ARSB: variants seen among roughly 807,000 people sequenced by gnomAD.
The protein encoded by ARSB is arylsulfatase B.
Under a neutral mutation model 50.9 loss-of-function variants are expected in ARSB, and 41 were observed. The ratio of observed to expected loss-of-function variants is 0.81; its 90% confidence interval spans 0.63 to 1.04. The LOEUF (loss-of-function observed/expected upper bound fraction) is 1.04. Among genes scored for constraint, ARSB ranks in the 50% least tolerant of loss-of-function variants. The pLI, the probability that ARSB is intolerant of heterozygous loss-of-function variation, is 0.00. For synonymous variants in ARSB, 269 were observed against 284.8 expected (o/e 0.94, Z 0.56); for missense variants, 672 against 693.3 (o/e 0.97, Z 0.35).
intron 4 of ARSB, among the ~76,000 whole-genome samples, chr5:78,931,092 C>G (rs1418280899): frequency 6.6e-6 from 1 of 152,212 alleles, no homozygotes; most frequent in African/African-American, 2.4e-5. Context: ...AAATCTCTCT[C>G]TCGTTTTCTG....
chr5:78,976,902 T>C (rs559515912), intron 1 of ARSB, among the ~76,000 whole-genome samples: 3 of 152,252 alleles, frequency 2.0e-5, no homozygotes, highest in Middle Eastern at 6.8e-3. Flanking sequence ...GGCACCCTCA[T>C]TCACTCAGCT....
chr5:78,887,342 A>G (rs931086501), intron 4 of ARSB, among the ~76,000 whole-genome samples: 1 of 152,134 alleles, frequency 6.6e-6, no homozygotes, highest in Admixed American at 6.5e-5. Flanking sequence ...TCTCATGGCG[A>G]CTAATCCATT....
At chr5:78,977,209 A>C (rs1481266401) in intron 1 of ARSB, among the ~76,000 whole-genome samples, 1 of 146,908 alleles carries the variant, frequency 6.8e-6, no homozygotes, top group African/African-American at 2.6e-5. Flanking sequence ...GCTGGAGTGC[A>C]GTGGCGCAAT....
intron 6 of ARSB, among the ~76,000 whole-genome samples, chr5:78,801,727 G>A (rs1001627487): frequency 6.6e-6 from 1 of 152,102 alleles, no homozygotes; most frequent in East Asian, 1.9e-4. Context: ...CCACTTCCAG[G>A]CAGGCCTGGG....
chr5:78,860,292 T>A (rs1746369891), intron 5 of ARSB, among the ~76,000 whole-genome samples: 1 of 152,226 alleles, frequency 6.6e-6, no homozygotes, highest in African/African-American at 2.4e-5. Flanking sequence ...ACTTGCTTTA[T>A]GAATCTGGGT....
chr5:78,917,243 G>T (rs758835519), intron 4 of ARSB, among the ~76,000 whole-genome samples: 1 of 152,196 alleles, frequency 6.6e-6, no homozygotes, highest in Non-Finnish European at 1.5e-5. Context: ...TTAAACTACA[G>T]ACTATATTCT....
chr5:78,941,124 A>T (rs995266128), intron 4 of ARSB, among the ~76,000 whole-genome samples: 1 of 149,658 alleles, frequency 6.7e-6, no homozygotes, highest in Non-Finnish European at 1.5e-5. Context: ...TGATTTTTGT[A>T]TATTGATTTT....
intron 4 of ARSB, among the ~76,000 whole-genome samples, chr5:78,937,325 T>TATATATATCATATATATGTAAG (rs1561512520): frequency 0.15 from 8,879 of 57,952 alleles, 1,319 homozygotes; most frequent in South Asian, 0.21. Flanking sequence ...ATATGTAAGA[T>TATATATATCATATATATGTAAG]ATATATATGT....
intron 4 of ARSB, among the ~76,000 whole-genome samples, chr5:78,911,572 TAAAAAAAAAAAAAAAAAAAA>T (rs71001137): frequency 0.36 from 24,375 of 67,930 alleles, 3,128 homozygotes; most frequent in Admixed American, 0.49. Flanking sequence ...AGACTCCCTC[TAAAAAAAAAAAAAAAAAAAA>T]AAAAAAAAAA....
intron 6 of ARSB, among the ~76,000 whole-genome samples, chr5:78,833,752 A>G (rs548569230): frequency 6.6e-6 from 1 of 152,272 alleles, no homozygotes; most frequent in East Asian, 1.9e-4. Flanking sequence ...ATAAATCTCT[A>G]TTTGTCTATT....
At position 78,790,194 on chromosome 5, in the gene ARSB, C is replaced by A. The variant is rs73120610; in HGVS notation, c.1214-8220G>T. 3.0e-3 allele frequency among the ~76,000 whole-genome samples: 451 copies of A among 152,242 alleles called. 2 individuals carry two copies. The highest frequency in any genetic ancestry group is 0.01 in the African/African-American group (424 of 41,534). On this transcript the variant is annotated intron_variant, in intron 6 of 7. Coordinates refer to ENST00000264914, the MANE Select transcript of ARSB (RefSeq NM_000046.5). ...CTGTATCATTGAAGTGGCATCCTAC[C>A]AGCCCTTCTCCAGGAGGCCATAGTA...
chr5:78,863,940 A>G (rs899913888), intron 5 of ARSB, among the ~76,000 whole-genome samples: 3 of 152,006 alleles, frequency 2.0e-5, no homozygotes, highest in African/African-American at 7.2e-5. Context: ...TCATAGAATA[A>G]TGGTGGCCAT....
intron 6 of ARSB, among the ~76,000 whole-genome samples, chr5:78,830,625 T>C (rs1375515334): frequency 6.6e-6 from 1 of 152,128 alleles, no homozygotes; most frequent in African/African-American, 2.4e-5. Flanking sequence ...AGATGTGCTG[T>C]GTGAAGTGGG....
At chr5:78,905,145 G>A (rs1390619104) in intron 4 of ARSB, among the ~76,000 whole-genome samples, 1 of 151,952 alleles carries the variant, frequency 6.6e-6, no homozygotes, top group Non-Finnish European at 1.5e-5. Flanking sequence ...CATTTGTTTG[G>A]CTTTAGTTTC....
chr5:78,925,298 G>GA (rs926928994), intron 4 of ARSB, among the ~76,000 whole-genome samples: 2 of 151,956 alleles, frequency 1.3e-5, no homozygotes, highest in African/African-American at 4.8e-5. Flanking sequence ...GCCACCCAAG[G>GA]AAAAAAGCAA....
intron 4 of ARSB, among the ~76,000 whole-genome samples, chr5:78,941,903 A>T (rs1313621735): frequency 1.3e-5 from 2 of 152,168 alleles, no homozygotes; most frequent in East Asian, 3.9e-4. Context: ...TTGTGAATCC[A>T]TCTGGTCCTG....
chr5:78,953,996 A>C (rs1676217373), intron 4 of ARSB, among the ~76,000 whole-genome samples: 1 of 152,112 alleles, frequency 6.6e-6, no homozygotes, highest in Non-Finnish European at 1.5e-5. Context: ...AACACAAAAG[A>C]GTTGCTGGTA....
intron 5 of ARSB, among the ~76,000 whole-genome samples, chr5:78,853,955 C>T (rs1016069906): frequency 2.0e-5 from 3 of 152,218 alleles, no homozygotes; most frequent in South Asian, 4.1e-4. Flanking sequence ...TTCCAGGTGC[C>T]GTCTGTCACC....
At chr5:78,918,574 T>A (rs1319764147) in intron 4 of ARSB, among the ~76,000 whole-genome samples, 1 of 151,746 alleles carries the variant, frequency 6.6e-6, no homozygotes, top group African/African-American at 2.4e-5. Flanking sequence ...CACACATGCA[T>A]GCACAAATAC....
Sources: allele counts gnomAD v4.1 joint callset (sites outside exome capture counted in the v4.1 genomes callset), GRCh38; gene constraint gnomAD v4.1.1; transcripts MANE v1.5; gene names NCBI Gene and HGNC (gene_info 2026-07-23, HGNC 2026-07-21).